MET: variants seen among roughly 807,000 people sequenced by gnomAD.
MET encodes the protein hepatocyte growth factor receptor.
MET carries 48 observed loss-of-function variants against 133.1 expected under a neutral mutation model. The observed-to-expected ratio is 0.36, with a 90% CI of 0.29 to 0.46. The LOEUF (loss-of-function observed/expected upper bound fraction) is 0.46, where lower values mean the gene tolerates loss of function less well. MET is among the 20% of genes least tolerant of loss of function. The pLI is 1.00. For missense variants in MET, 1,442 were observed against 1,695.9 expected, an observed-to-expected ratio of 0.85 and a Z score of 2.63; for synonymous variants, 628 against 616.5, an observed-to-expected ratio of 1.02 and a Z score of -0.28.
At chr7:116,769,531 C>A (rs1030777499) in intron 11 of MET, 114 bp from the exon 12 acceptor site, 1 of 1,323,776 alleles carries the variant, frequency 7.6e-7, no homozygotes, top group Non-Finnish European at 1.1e-6. Flanking sequence ...GAATCGTGTG[C>A]CTTGGCAAAC....
chr7:116,721,435 C>G (rs1792481031), intron 2 of MET, among the ~76,000 whole-genome samples: 1 of 152,102 alleles, frequency 6.6e-6, no homozygotes, highest in South Asian at 2.1e-4. Flanking sequence ...TTCAAAAAAC[C>G]AGCTCCTGGA....
chr7:116,712,686 G>A (rs571262132), intron 2 of MET, among the ~76,000 whole-genome samples: 3 of 151,898 alleles, frequency 2.0e-5, no homozygotes, highest in Non-Finnish European at 2.9e-5. Context: ...TATTACCTAT[G>A]CCCCTCCCGT....
intron 5 of MET, among the ~76,000 whole-genome samples, chr7:116,754,405 T>G (rs1794042667): frequency 6.6e-6 from 1 of 152,102 alleles, no homozygotes; most frequent in Non-Finnish European, 1.5e-5. Context: ...AGGAGTTTGA[T>G]AAGAGCTCAG....
chr7:116,691,695 G>A (rs1424395698), intron 1 of MET, among the ~76,000 whole-genome samples: 1 of 152,124 alleles, frequency 6.6e-6, no homozygotes, highest in Non-Finnish European at 1.5e-5. Flanking sequence ...CCACATAGTG[G>A]CAAAGATGGG....
chr7:116,745,846 A>G (rs1178328105), intron 5 of MET, among the ~76,000 whole-genome samples: 1 of 152,224 alleles, frequency 6.6e-6, no homozygotes, highest in Non-Finnish European at 1.5e-5. Context: ...AACCTAGGCA[A>G]TACCATTCAG....
intron 3 of MET, among the ~76,000 whole-genome samples, chr7:116,739,738 G>A (rs1319077915): frequency 6.6e-6 from 1 of 152,078 alleles, no homozygotes; most frequent in Admixed American, 6.6e-5. Flanking sequence ...AAGATCATAG[G>A]CAAAGTCTGT....
At chr7:116,757,285 A>G (rs568458534) in intron 6 of MET, 152 bp from the exon 7 acceptor site, 1 of 678,828 alleles carries the variant, frequency 1.5e-6, no homozygotes, top group South Asian at 1.6e-5. Flanking sequence ...ATAGGATTAT[A>G]TAATTTTTGG....
intron 2 of MET, among the ~76,000 whole-genome samples, chr7:116,710,127 A>C (rs1791937870): frequency 6.6e-6 from 1 of 152,310 alleles, no homozygotes; most frequent in East Asian, 1.9e-4. Context: ...AATGAGCAAT[A>C]TTTCTTACTC....
intron 3 of MET, among the ~76,000 whole-genome samples, chr7:116,739,512 C>T (rs1473725949): frequency 6.6e-6 from 1 of 152,196 alleles, no homozygotes; most frequent in Non-Finnish European, 1.5e-5. Flanking sequence ...ATTCCAGACT[C>T]CGCGTCCACT....
At chr7:116,732,587 G>A (rs182951757) in intron 3 of MET, among the ~76,000 whole-genome samples, 12 of 152,230 alleles carry the variant, frequency 7.9e-5, no homozygotes, top group Non-Finnish European at 1.5e-4. Context: ...GTAGATTCTT[G>A]ATGAGGAAAG....
At chr7:116,701,267 T>C (rs2299435) in intron 2 of MET, among the ~76,000 whole-genome samples, 4,018 of 152,208 alleles carry the variant, frequency 0.026, 135 homozygotes, top group East Asian at 0.07. Context: ...ACAAATAGTA[T>C]AGCTTTTCTA....
rs1793379901 is a variant in MET, at chr7:116,739,979, C to T, written c.1422C>T (p.Thr474=). The T allele has an allele frequency of 6.2e-7, 1 of 1,613,986 alleles. No homozygotes were observed. Among genetic ancestry groups the T allele is most frequent in the Non-Finnish European group, 8.5e-7 (1 of 1,179,968 alleles). The change falls in exon 4 of 21, where the codon ACC becomes ACT. Residue 474 remains threonine (T), a synonymous_variant. Transcript: ENST00000397752. ...QVVVSRSGPS[T]PHVNFLLDSH... ...TGGTTTCTCGATCAGGACCATCAAC[C>T]CCTCATGTGAATTTTCTCCTGGACT...
intron 3 of MET, among the ~76,000 whole-genome samples, chr7:116,733,678 TA>T (rs887333144): frequency 1.3e-5 from 2 of 151,890 alleles, no homozygotes; most frequent in African/African-American, 2.4e-5. Context: ...AAACAAAAGG[TA>T]AAAAAAATGC....
chr7:116,754,664 A>G lies in MET; in HGVS notation c.1702-691A>G, dbSNP rs1416926865. Among the ~76,000 whole-genome samples the G allele has an allele frequency of 1.4e-4, 21 of 151,716 alleles. No homozygotes were observed. The East Asian group carries it at 3.7e-3, about 27-fold the overall frequency. On this transcript the variant is annotated intron_variant, in intron 5 of 20. Coordinates refer to ENST00000397752, the MANE Select transcript of MET (RefSeq NM_000245.4). ...GTGAGACCCTGTCTCTAGAAAAAAA[A>G]AAAATAGCCAAGCATGGTGGCCCAC...
At chr7:116,739,365 C>A (rs941161867) in intron 3 of MET, among the ~76,000 whole-genome samples, 1 of 152,086 alleles carries the variant, frequency 6.6e-6, no homozygotes, top group Non-Finnish European at 1.5e-5. Flanking sequence ...GTTTTATAAT[C>A]CAAGTAATAA....
chr7:116,778,725 GTA>G, intron 16 of MET, 49 bp from the exon 17 acceptor site: 1 of 1,587,730 alleles, frequency 6.3e-7, no homozygotes, highest in Admixed American at 1.7e-5. Flanking sequence ...TTTGACAAAA[GTA>G]TTCACTGTTC....
intron 15 of MET, among the ~76,000 whole-genome samples, chr7:116,775,326 A>G (rs1192501752): frequency 1.3e-5 from 2 of 152,190 alleles, no homozygotes; most frequent in African/African-American, 2.4e-5. Context: ...TAATCCCCCA[A>G]ATATATTAGA....
chr7:116,728,189 G>T (rs1022800185), intron 2 of MET, among the ~76,000 whole-genome samples: 4 of 152,168 alleles, frequency 2.6e-5, no homozygotes, highest in African/African-American at 9.7e-5. Context: ...AAATTTGAAT[G>T]CCACTTGAAC....
chr7:116,741,966 C>G (rs1052918561), intron 5 of MET, among the ~76,000 whole-genome samples: 6 of 152,216 alleles, frequency 3.9e-5, no homozygotes, highest in Non-Finnish European at 8.8e-5. Context: ...CTATGAAAAT[C>G]TCCACGCAAT....
Sources: allele counts gnomAD v4.1 joint callset (sites outside exome capture counted in the v4.1 genomes callset), GRCh38; gene constraint gnomAD v4.1.1; transcripts MANE v1.5; gene names NCBI Gene and HGNC (gene_info 2026-07-23, HGNC 2026-07-21).